Variants in EIF4E3 observed in about 807,000 individuals in gnomAD.
EIF4E3 encodes eukaryotic translation initiation factor 4E family member 3.
Under a neutral mutation model 31.7 loss-of-function variants are expected in EIF4E3, and 26 were observed. The observed-to-expected ratio is 0.82, with a 90% CI of 0.60 to 1.14. EIF4E3 has a LOEUF of 1.14. Ranked by LOEUF, EIF4E3 falls within the 50% of genes most tolerant of loss-of-function variation. The pLI, the probability that EIF4E3 is intolerant of heterozygous loss-of-function variation, is 0.00. For synonymous variants in EIF4E3, 128 were observed against 107.7 expected (o/e 1.19, Z -1.17); for missense variants, 304 against 270.9 (o/e 1.12, Z -0.86).
At chr3:71,753,203 T>C (rs1161120008) in intron 1 of EIF4E3, among the ~76,000 whole-genome samples, 1 of 152,152 alleles carries the variant, frequency 6.6e-6, no homozygotes, top group Non-Finnish European at 1.5e-5. Context: ...GGCAACAACT[T>C]CGTGATTACT....
chr3:71,712,636 G>GGA (rs1409185825), intron 1 of EIF4E3, among the ~76,000 whole-genome samples: 13 of 55,162 alleles, frequency 2.4e-4, no homozygotes, highest in East Asian at 6.8e-4. Flanking sequence ...TGCGGGGGGT[G>GGA]GGCGGGGGAG....
Position 71,682,556 on chromosome 3 carries a change from T to C in EIF4E3, c.*2126A>G, listed in dbSNP as rs963248152. The C allele has an allele frequency of 6.6e-6, 1 of 152,298 alleles. No homozygotes were observed. The highest frequency in any genetic ancestry group is 1.5e-5 in the Non-Finnish European group (1 of 68,036). The allele number at this position is 152,298 out of a possible 1,614,324, so 9.4% of individuals were successfully genotyped here. On this transcript the variant is annotated 3_prime_UTR_variant, in exon 7 of 7. Coordinates refer to ENST00000425534, the MANE Select transcript of EIF4E3 (RefSeq NM_001134651.2). ...TCCAAACCAAAATCTGACAAAATCC[T>C]CTCTGAAAGTAATTTAGATGATAGG...
chr3:71,707,685 GTA>G (rs796887032), intron 2 of EIF4E3, among the ~76,000 whole-genome samples: 38 of 151,874 alleles, frequency 2.5e-4, no homozygotes, highest in Middle Eastern at 6.8e-3. Flanking sequence ...CAGAGACACC[GTA>G]TGTTTATGGA....
chr3:71,700,612 T>TAAAAAAAA (rs377334249), intron 2 of EIF4E3, among the ~76,000 whole-genome samples: 1 of 127,340 alleles, frequency 7.9e-6, no homozygotes. Flanking sequence ...AGACTCCGTT[T>TAAAAAAAA]AAAAAAAAAA....
the EIF4E3 span, among the ~76,000 whole-genome samples, chr3:71,668,034 T>C: frequency 6.6e-6 from 1 of 152,178 alleles, no homozygotes; most frequent in African/African-American, 2.4e-5. Context: ...CAAAACAGCA[T>C]GGTACTAGTA....
rs1458438752 is a variant in EIF4E3, at chr3:71,676,805, A to T, written c.*7877T>A. On this transcript the variant is annotated 3_prime_UTR_variant, in exon 7 of 7. Transcript: ENST00000425534. ...CCTTTATAACTTGACTATCTTCATG[A>T]AACACTAATTATTTTCGCCTTAAAA... 1 of 152,108 alleles carries T rather than the reference A, an allele frequency of 6.6e-6. No homozygotes were observed. Among genetic ancestry groups the T allele is most frequent in the Non-Finnish European group, 1.5e-5 (1 of 68,006 alleles). The allele number at this position is 152,108 out of a possible 1,614,324, so 9.4% of individuals were successfully genotyped here.
intron 1 of EIF4E3, among the ~76,000 whole-genome samples, chr3:71,746,881 A>G (rs1277664070): frequency 1.3e-5 from 2 of 152,192 alleles, no homozygotes; most frequent in Non-Finnish European, 2.9e-5. Context: ...GATTTGTACA[A>G]TATGTGGTCT....
At chr3:71,726,725 A>G (rs1313426639), upstream of EIF4E3, among the ~76,000 whole-genome samples, 2 of 152,248 alleles carry the variant, frequency 1.3e-5, no homozygotes, top group Admixed American at 6.5e-5. Context: ...TCAAGGTCAC[A>G]TAAAGTGACA....
chr3:71,669,698 TA>T, the EIF4E3 span, among the ~76,000 whole-genome samples: 3 of 152,090 alleles, frequency 2.0e-5, no homozygotes, highest in African/African-American at 7.2e-5. Flanking sequence ...GGTGAAGGCC[TA>T]AACATGACTT....
At chr3:71,732,993 A>G (rs2049722725) in intron 1 of EIF4E3, among the ~76,000 whole-genome samples, 1 of 152,240 alleles carries the variant, frequency 6.6e-6, no homozygotes, top group Non-Finnish European at 1.5e-5. Flanking sequence ...CCAAGTGTTG[A>G]TTCTCGTTTC....
At chr3:71,713,501 ATCATAGC>A (rs3066621) in intron 1 of EIF4E3, among the ~76,000 whole-genome samples, 14,316 of 152,092 alleles carry the variant, frequency 0.094, 701 homozygotes, top group African/African-American at 0.11. Flanking sequence ...CAGTGGCATA[ATCATAGC>A]TCACTGTATT....
chr3:71,697,108 T>G (rs1324322385), intron 3 of EIF4E3, among the ~76,000 whole-genome samples: 1 of 151,854 alleles, frequency 6.6e-6, no homozygotes, highest in Admixed American at 6.6e-5. Flanking sequence ...CTTGAACTCC[T>G]GGGCTCAAGC....
chr3:71,712,679 G>T, intron 1 of EIF4E3, among the ~76,000 whole-genome samples: 1 of 151,052 alleles, frequency 6.6e-6, no homozygotes, highest in Non-Finnish European at 1.5e-5. Context: ...AATATACTTT[G>T]CATTCTTTTT....
In EIF4E3 at chr3:71,678,932, C is replaced by A. The variant is rs554697122; in HGVS notation, c.*5750G>T. 3.9e-5 allele frequency: 6 copies of A among 152,242 alleles called. No individual in the cohort carries two copies. The East Asian group carries it at 9.6e-4, about 24-fold the overall frequency. The allele number at this position is 152,242 out of a possible 1,614,324, so 9.4% of individuals were successfully genotyped here. On this transcript the variant is annotated 3_prime_UTR_variant, in exon 7 of 7. Transcript: ENST00000425534. ...TTTTATATAATCATTGAAATAAATT[C>A]TCCATGAGAATATATTCAAAGTCAT...
downstream of EIF4E3, among the ~76,000 whole-genome samples, chr3:71,673,175 C>T (rs889905259): frequency 1.3e-5 from 2 of 152,144 alleles, no homozygotes; most frequent in Non-Finnish European, 2.9e-5. Flanking sequence ...TTATTTAATC[C>T]TAGACTTAGT....
chr3:71,668,908 G>A, the EIF4E3 span, among the ~76,000 whole-genome samples: 6 of 152,046 alleles, frequency 3.9e-5, no homozygotes, highest in Non-Finnish European at 7.4e-5. Flanking sequence ...TATACCCAAA[G>A]GATTATAAAT....
chr3:71,730,938 G>T (rs2049699857), intron 1 of EIF4E3, among the ~76,000 whole-genome samples: 1 of 152,022 alleles, frequency 6.6e-6, no homozygotes, highest in African/African-American at 2.4e-5. Context: ...TGTTCAGGCT[G>T]GTCTTGAACT....
upstream of EIF4E3, chr3:71,753,650 GGCGGCGGCGGCGGCGGCGGCA>G (rs1376632163): frequency 6.8e-6 from 1 of 147,500 alleles, no homozygotes; most frequent in African/African-American, 2.5e-5. Context: ...GGGGCTCCGC[GGCGGCGGCGGCGGCGGCGGCA>G]GCGGCGGCAG....
chr3:71,722,178 C>T (rs561661007), intron 1 of EIF4E3, among the ~76,000 whole-genome samples: 135 of 152,268 alleles, frequency 8.9e-4, no homozygotes, highest in Middle Eastern at 3.4e-3. Flanking sequence ...CTCTTAACTG[C>T]TCTTATCTGA....
Sources: allele counts gnomAD v4.1 joint callset (sites outside exome capture counted in the v4.1 genomes callset), GRCh38; gene constraint gnomAD v4.1.1; transcripts MANE v1.5; gene names NCBI Gene and HGNC (gene_info 2026-07-23, HGNC 2026-07-21).